The following IMMP2L variants were observed in gnomAD, a reference collection of about 807,000 sequenced individuals.
IMMP2L encodes inner mitochondrial membrane peptidase subunit 2.
A neutral mutation model predicts 19.3 loss-of-function variants in IMMP2L; 18 were observed. That is an observed-to-expected ratio of 0.93 (90% CI 0.64 to 1.38). IMMP2L has a LOEUF of 1.38. Ranked by LOEUF, IMMP2L falls within the 40% of genes most tolerant of loss-of-function variation. The pLI is 0.00. For synonymous variants in IMMP2L, 76 were observed against 73.0 expected (o/e 1.04, Z -0.21); for missense variants, 233 against 218.2 (o/e 1.07, Z -0.43).
chr7:111,287,409 A>T (rs139971641), intron 3 of IMMP2L, among the ~76,000 whole-genome samples: 2 of 152,170 alleles, frequency 1.3e-5, no homozygotes, highest in East Asian at 3.8e-4. Flanking sequence ...TGCTACGTAA[A>T]GCCACCATAA....
chr7:110,764,405 C>G, intron 5 of IMMP2L, among the ~76,000 whole-genome samples: 1 of 151,976 alleles, frequency 6.6e-6, no homozygotes, highest in East Asian at 1.9e-4. Flanking sequence ...TGAGTCCCCC[C>G]ACTCAAAAAA....
chr7:110,889,463 C>T (rs1810566167), intron 4 of IMMP2L, among the ~76,000 whole-genome samples: 1 of 152,144 alleles, frequency 6.6e-6, no homozygotes, highest in South Asian at 2.1e-4. Context: ...AGGGTTCATG[C>T]TCCTGTGACA....
chr7:111,045,279 T>C (rs1265290261), intron 3 of IMMP2L, among the ~76,000 whole-genome samples: 2 of 152,234 alleles, frequency 1.3e-5, no homozygotes, highest in Admixed American at 6.5e-5. Flanking sequence ...GTAAATTCTA[T>C]GGGCTTTACT....
At chr7:111,091,166 A>C (rs1586198876) in intron 3 of IMMP2L, 1 of 152,146 alleles carries the variant, frequency 6.6e-6, no homozygotes. Flanking sequence ...TGCACCACTA[A>C]CCACCATGGA....
chr7:111,103,399 A>C (rs1348130538), intron 3 of IMMP2L, among the ~76,000 whole-genome samples: 3 of 151,666 alleles, frequency 2.0e-5, no homozygotes, highest in African/African-American at 7.2e-5. Context: ...AAGTCTAGCC[A>C]CACTGATTTG....
At chr7:110,802,687 A>G (rs1206841238) in intron 5 of IMMP2L, among the ~76,000 whole-genome samples, 1 of 152,080 alleles carries the variant, frequency 6.6e-6, no homozygotes, top group African/African-American at 2.4e-5. Context: ...TCAGTCAGTA[A>G]GTATTTATTG....
At chr7:110,909,357 A>G (rs1198959142) in intron 4 of IMMP2L, among the ~76,000 whole-genome samples, 3 of 152,176 alleles carry the variant, frequency 2.0e-5, no homozygotes, top group Non-Finnish European at 4.4e-5. Flanking sequence ...GACAAGAGAC[A>G]TGAGTTCATT....
chr7:110,931,936 T>C (rs1458523411), intron 4 of IMMP2L, among the ~76,000 whole-genome samples: 2 of 152,130 alleles, frequency 1.3e-5, no homozygotes, highest in East Asian at 1.9e-4. Context: ...ACAGACCCTA[T>C]GTTCTCACAG....
chr7:110,724,434 C>G (rs1795764073), intron 5 of IMMP2L: 1 of 152,126 alleles, frequency 6.6e-6, no homozygotes, highest in Non-Finnish European at 1.5e-5. Context: ...GCACTCCTAT[C>G]AAGAAATTTT....
chr7:110,869,667 C>G (rs1402019992), intron 5 of IMMP2L, among the ~76,000 whole-genome samples: 1 of 152,122 alleles, frequency 6.6e-6, no homozygotes, highest in African/African-American at 2.4e-5. Context: ...TCTACTAAAT[C>G]AGAATCTCAA....
intron 5 of IMMP2L, among the ~76,000 whole-genome samples, chr7:110,753,611 G>A (rs113605384): frequency 1.3e-5 from 2 of 152,020 alleles, no homozygotes; most frequent in African/African-American, 4.8e-5. Flanking sequence ...ATTACTTGTG[G>A]CCCTGAAGTG....
At chr7:110,838,772 T>C (rs1457962160) in intron 5 of IMMP2L, among the ~76,000 whole-genome samples, 2 of 152,132 alleles carry the variant, frequency 1.3e-5, no homozygotes, top group Non-Finnish European at 2.9e-5. Context: ...AACAAACTAA[T>C]AAACAGGTCC....
chr7:111,152,008 A>G (rs1395780413), intron 3 of IMMP2L, among the ~76,000 whole-genome samples: 1 of 152,152 alleles, frequency 6.6e-6, no homozygotes, highest in Non-Finnish European at 1.5e-5. Context: ...AAGTGATAAT[A>G]GTATAATAAC....
chr7:111,114,738 CAAA>C (rs567078227), intron 3 of IMMP2L, among the ~76,000 whole-genome samples: 3 of 62,588 alleles, frequency 4.8e-5, no homozygotes, highest in Admixed American at 3.7e-4. Context: ...GACTCCATCT[CAAA>C]AAAAAAAAAA....
At chr7:110,818,050 T>TGGGCAA (rs1448371840) in intron 5 of IMMP2L, among the ~76,000 whole-genome samples, 2 of 152,064 alleles carry the variant, frequency 1.3e-5, no homozygotes, top group African/African-American at 2.4e-5. Flanking sequence ...GACATAGGCA[T>TGGGCAA]GGGCAAGGAC....
intron 3 of IMMP2L, among the ~76,000 whole-genome samples, chr7:110,996,549 C>G (rs1043238356): frequency 2.0e-5 from 3 of 151,984 alleles, no homozygotes; most frequent in Non-Finnish European, 4.4e-5. Flanking sequence ...CTGGGTAGAC[C>G]CTGCCTTGTG....
intron 5 of IMMP2L, among the ~76,000 whole-genome samples, chr7:110,884,050 G>A (rs1329686012): frequency 6.6e-6 from 1 of 151,994 alleles, no homozygotes; most frequent in Admixed American, 6.6e-5. Context: ...CAATTGAAGA[G>A]TCTGTCAGTG....
At chr7:110,858,591 C>CTTTAT (rs773129484) in intron 5 of IMMP2L, among the ~76,000 whole-genome samples, 52 of 152,034 alleles carry the variant, frequency 3.4e-4, no homozygotes, top group Non-Finnish European at 6.2e-4. Context: ...TTTTAAAGAA[C>CTTTAT]TTTATTTTAT....
At chr7:111,318,686 C>G (rs946763936) in intron 3 of IMMP2L, among the ~76,000 whole-genome samples, 10 of 151,994 alleles carry the variant, frequency 6.6e-5, no homozygotes, top group Non-Finnish European at 1.3e-4. Flanking sequence ...AAAGACAATA[C>G]CTTACCAAGC....
Sources: allele counts gnomAD v4.1 joint callset (sites outside exome capture counted in the v4.1 genomes callset), GRCh38; gene constraint gnomAD v4.1.1; transcripts MANE v1.5; gene names NCBI Gene and HGNC (gene_info 2026-07-23, HGNC 2026-07-21).